CEP128: variants seen among roughly 807,000 people sequenced by gnomAD.
CEP128 encodes the protein centrosomal protein 128.
A neutral mutation model predicts 156.7 loss-of-function variants in CEP128; 132 were observed. The ratio of observed to expected loss-of-function variants is 0.84; its 90% confidence interval spans 0.73 to 0.97. The LOEUF (loss-of-function observed/expected upper bound fraction) is 0.97, where lower values mean the gene tolerates loss of function less well. Among genes scored for constraint, CEP128 ranks in the 50% least tolerant of loss-of-function variants. The pLI is 0.00. For synonymous variants in CEP128, 469 were observed against 448.9 expected, an observed-to-expected ratio of 1.04 and a Z score of -0.57; for missense variants, 1,252 against 1,281.9, an observed-to-expected ratio of 0.98 and a Z score of 0.36.
intron 19 of CEP128, among the ~76,000 whole-genome samples, chr14:80,664,221 T>TGAGGGCCTCAAGAAAAGAAAA (rs1895518988): frequency 2.0e-5 from 3 of 152,076 alleles, no homozygotes; most frequent in Admixed American, 2.0e-4. Flanking sequence ...AAAAAGATGG[T>TGAGGGCCTCAAGAAAAGAAAA]GAGGGCCTCA....
chr14:80,615,601 C>T (rs1275183450), intron 19 of CEP128, among the ~76,000 whole-genome samples: 3 of 152,160 alleles, frequency 2.0e-5, no homozygotes, highest in Admixed American at 6.5e-5. Context: ...TAAGAAGTGA[C>T]GGCATTGGGA....
chr14:80,656,064 C>T (rs1039800956), intron 19 of CEP128, among the ~76,000 whole-genome samples: 1 of 151,450 alleles, frequency 6.6e-6, no homozygotes, highest in Admixed American at 6.6e-5. Flanking sequence ...CTCCTCCACT[C>T]CCAGCATTCT....
downstream of CEP128, among the ~76,000 whole-genome samples, chr14:80,495,819 T>C (rs374527241): frequency 6.6e-6 from 1 of 152,192 alleles, no homozygotes; most frequent in African/African-American, 2.4e-5. Context: ...CTGTTGATTT[T>C]CCCTCATATT....
chr14:80,661,758 T>C (rs1354538262), intron 19 of CEP128, among the ~76,000 whole-genome samples: 1 of 152,212 alleles, frequency 6.6e-6, no homozygotes, highest in Non-Finnish European at 1.5e-5. Flanking sequence ...AAGTACTTTT[T>C]CCTAGAGTGC....
chr14:80,710,796 C>T (rs1170377971), intron 19 of CEP128, among the ~76,000 whole-genome samples: 1 of 151,996 alleles, frequency 6.6e-6, no homozygotes, highest in African/African-American at 2.4e-5. Context: ...TTTTGAATAA[C>T]AAGAACTGAC....
At chr14:80,949,897 T>C (rs1212237076) in intron 2 of CEP128, among the ~76,000 whole-genome samples, 1 of 152,076 alleles carries the variant, frequency 6.6e-6, no homozygotes, top group African/African-American at 2.4e-5. Flanking sequence ...AAAATATATA[T>C]ATATTCGAAT....
At chr14:80,690,459 T>C (rs1487339215) in intron 19 of CEP128, among the ~76,000 whole-genome samples, 1 of 150,874 alleles carries the variant, frequency 6.6e-6, no homozygotes, top group South Asian at 2.1e-4. Flanking sequence ...AGCTAGGAAT[T>C]TGATGTTAAG....
intron 2 of CEP128, chr14:80,955,561 C>G: frequency 8.2e-7 from 1 of 1,217,284 alleles, no homozygotes; most frequent in East Asian, 2.3e-5. Context: ...CCCCTTGGAG[C>G]CCTCCCTCTT....
At chr14:80,550,347 A>T (rs2140337566) in intron 21 of CEP128, among the ~76,000 whole-genome samples, 1 of 152,292 alleles carries the variant, frequency 6.6e-6, no homozygotes, top group East Asian at 1.9e-4. Flanking sequence ...TCTCTCACAC[A>T]GATTTTAAGT....
At chr14:80,543,636 G>C (rs547797678) in intron 21 of CEP128, among the ~76,000 whole-genome samples, 2 of 152,260 alleles carry the variant, frequency 1.3e-5, no homozygotes, top group African/African-American at 4.8e-5. Context: ...ATGTTATTTG[G>C]TGAACACATT....
intron 21 of CEP128, among the ~76,000 whole-genome samples, chr14:80,555,797 C>G (rs1890408030): frequency 6.6e-6 from 1 of 152,074 alleles, no homozygotes; most frequent in South Asian, 2.1e-4. Flanking sequence ...CACAATGAAC[C>G]CAGATCACAA....
intron 19 of CEP128, among the ~76,000 whole-genome samples, chr14:80,627,214 C>A (rs1893764976): frequency 6.6e-6 from 1 of 152,152 alleles, no homozygotes; most frequent in South Asian, 2.1e-4. Context: ...ATCAATTGTG[C>A]AAGAGCAGTG....
chr14:80,667,824 C>T (rs895034047), intron 19 of CEP128, among the ~76,000 whole-genome samples: 3 of 146,412 alleles, frequency 2.0e-5, no homozygotes, highest in Non-Finnish European at 4.5e-5. Context: ...CGCCACTGCA[C>T]TCCAGCCTGG....
chr14:80,929,452 C>T (rs549159143), intron 2 of CEP128, among the ~76,000 whole-genome samples: 5 of 152,084 alleles, frequency 3.3e-5, no homozygotes, highest in Non-Finnish European at 7.4e-5. Flanking sequence ...ACAATTGCAA[C>T]GATATGGAAT....
At chr14:80,782,226 A>T (rs1901162003) in intron 15 of CEP128, among the ~76,000 whole-genome samples, 1 of 152,232 alleles carries the variant, frequency 6.6e-6, no homozygotes, top group Non-Finnish European at 1.5e-5. Flanking sequence ...CCAAGTGTCC[A>T]TCCCACAAGT....
chr14:80,629,158 A>ATTATTTG (rs1893859077), intron 19 of CEP128, among the ~76,000 whole-genome samples: 1 of 38,668 alleles, frequency 2.6e-5, no homozygotes, highest in African/African-American at 1.1e-4. Context: ...CTTTGCCATT[A>ATTATTTG]GCAACAATTG....
At chr14:80,508,530 C>G (rs886198574) in intron 23 of CEP128, among the ~76,000 whole-genome samples, 3 of 151,858 alleles carry the variant, frequency 2.0e-5, no homozygotes, top group Non-Finnish European at 4.4e-5. Context: ...TACTAATTTC[C>G]TATTGTTCAA....
chr14:80,821,873 A>G (rs567588900), intron 13 of CEP128, among the ~76,000 whole-genome samples: 10 of 152,248 alleles, frequency 6.6e-5, no homozygotes, highest in Admixed American at 4.6e-4. Context: ...AAGAGGTTTA[A>G]AGGACTTACA....
chr14:80,565,097 G>C (rs1890856496), intron 20 of CEP128, among the ~76,000 whole-genome samples: 1 of 152,064 alleles, frequency 6.6e-6, no homozygotes. Flanking sequence ...ACAATTTAGA[G>C]GTCATGCAGC....
Sources: allele counts gnomAD v4.1 joint callset (sites outside exome capture counted in the v4.1 genomes callset), GRCh38; gene constraint gnomAD v4.1.1; transcripts MANE v1.5; gene names NCBI Gene and HGNC (gene_info 2026-07-23, HGNC 2026-07-21).